C11orf65: variants seen among roughly 807,000 people sequenced by gnomAD.
The protein encoded by C11orf65 is chromosome 11 open reading frame 65, also known as protein MFI.
A neutral mutation model predicts 35.3 loss-of-function variants in C11orf65; 38 were observed. That is an observed-to-expected ratio of 1.08 (90% CI 0.83 to 1.41). The LOEUF (loss-of-function observed/expected upper bound fraction) is 1.41, where lower values mean the gene tolerates loss of function less well. Among genes scored for constraint, C11orf65 ranks in the 40% most tolerant of loss-of-function variants. The pLI, the probability that C11orf65 is intolerant of heterozygous loss-of-function variation, is 0.00. For synonymous variants in C11orf65, 105 were observed against 114.4 expected, an observed-to-expected ratio of 0.92 and a Z score of 0.53; for missense variants, 370 against 367.1, an observed-to-expected ratio of 1.01 and a Z score of -0.06.
Position 108,382,870 on chromosome 11 carries a change from T to C in C11orf65, c.*151A>G. 1 of 1,495,730 alleles carries C rather than the reference T, an allele frequency of 6.7e-7. No homozygotes were observed. Among genetic ancestry groups the C allele is most frequent in the Non-Finnish European group, 8.8e-7 (1 of 1,133,144 alleles). 92.7% of individuals were successfully genotyped at this position (1,495,730 alleles called of 1,614,324 possible). ...GATCATTGTATTCAGTCCAGTGTTCTATTTCTGCTCAATCTTCCTTACTTA... is the reference window on the plus strand; with the variant it reads ...GATCATTGTATTCAGTCCAGTGTTCCATTTCTGCTCAATCTTCCTTACTTA... On this transcript the variant is annotated 3_prime_UTR_variant, in exon 9 of 9. Transcript: ENST00000393084.
rs371858806 is a variant in C11orf65, at chr11:108,410,191, G to A, written c.175-3042C>T. Among the ~76,000 whole-genome samples the A allele has an allele frequency of 8.3e-4, 127 of 152,176 alleles. 2 individuals carry two copies. Among genetic ancestry groups the A allele is most frequent in the Admixed American group, 4.8e-3 (73 of 15,274 alleles). ...GCAATATATGAGTTCTGGTTGCTCC[G>A]TCTCTTTATCAACATTTGGTACTGT... On this transcript the variant is annotated intron_variant, in intron 3 of 8. Coordinates refer to ENST00000393084, the MANE Select transcript of C11orf65 (RefSeq NM_152587.5).
intron 1 of C11orf65, among the ~76,000 whole-genome samples, chr11:108,465,213 G>A (rs12226046): frequency 2.0e-5 from 3 of 151,928 alleles, no homozygotes; most frequent in Non-Finnish European, 4.4e-5. Flanking sequence ...CCAGTTTATT[G>A]AATACTTTGA....
At chr11:108,365,784 T>G (rs897821155) in intron 2 of C11orf65, 33 of 433,114 alleles carry the variant, frequency 7.6e-5, no homozygotes, top group Non-Finnish European at 1.2e-4. Context: ...GAGGCCGAGG[T>G]GAGCGGATCA....
chr11:108,346,717 A>G (rs895237558), intron 2 of C11orf65: 1 of 156,696 alleles, frequency 6.4e-6, no homozygotes, highest in African/African-American at 2.4e-5. Context: ...TTCCCTACCC[A>G]GTGTGTTTTT....
intron 2 of C11orf65, among the ~76,000 whole-genome samples, chr11:108,350,133 G>A (rs933444335): frequency 2.6e-5 from 4 of 152,136 alleles, no homozygotes; most frequent in South Asian, 2.1e-4. Flanking sequence ...AATAAGACAT[G>A]CCAAGCAGTT....
intron 2 of C11orf65, among the ~76,000 whole-genome samples, chr11:108,349,088 A>C (rs902753640): frequency 2.6e-5 from 4 of 152,212 alleles, no homozygotes; most frequent in Admixed American, 2.6e-4. Context: ...AGATGAAATC[A>C]TAAGGGAAGT....
At chr11:108,396,600 G>A (rs2092312711) in intron 6 of C11orf65, among the ~76,000 whole-genome samples, 1 of 151,686 alleles carries the variant, frequency 6.6e-6, no homozygotes, top group Non-Finnish European at 1.5e-5. Flanking sequence ...GGGAGGCCAA[G>A]GCGGGCGGAT....
At chr11:108,357,703 A>C (rs971677759) in intron 2 of C11orf65, among the ~76,000 whole-genome samples, 39 of 152,280 alleles carry the variant, frequency 2.6e-4, no homozygotes, top group South Asian at 1.7e-3. Context: ...CTCACACGGC[A>C]GGGTACTCCA....
At chr11:108,316,286 CA>C (rs1185696991) in intron 6 of C11orf65, among the ~76,000 whole-genome samples, 3 of 150,690 alleles carry the variant, frequency 2.0e-5, no homozygotes, top group East Asian at 3.9e-4. Context: ...CAGAGGGATG[CA>C]AAAAAAAGAG....
chr11:108,393,155 A>G, intron 7 of C11orf65, 53 bp downstream of exon 7: 1 of 1,519,678 alleles, frequency 6.6e-7, no homozygotes, highest in Non-Finnish European at 8.9e-7. Context: ...GAAATGTTAG[A>G]AAAAAACTAT....
chr11:108,455,458 A>G (rs2093400101), intron 2 of C11orf65, among the ~76,000 whole-genome samples: 1 of 152,208 alleles, frequency 6.6e-6, no homozygotes, highest in Non-Finnish European at 1.5e-5. Context: ...AAAGTTCACA[A>G]AGGAAAAGTA....
intron 2 of C11orf65, among the ~76,000 whole-genome samples, chr11:108,454,193 A>G (rs1376901701): frequency 6.6e-6 from 1 of 151,146 alleles, no homozygotes; most frequent in Admixed American, 6.6e-5. Context: ...AAGTTATCCT[A>G]TTTATTGGCT....
chr11:108,325,266 T>TAA, intron 6 of C11orf65: 4 of 1,105,260 alleles, frequency 3.6e-6, no homozygotes, highest in Non-Finnish European at 3.9e-6. Flanking sequence ...TTTTTTTTTT[T>TAA]TTCATTTCTC....
At chr11:108,336,182 A>G (rs1400517565) in intron 2 of C11orf65, 1 of 456,858 alleles carries the variant, frequency 2.2e-6, no homozygotes, top group East Asian at 4.3e-5. Flanking sequence ...ATGTGCTTGT[A>G]GTCCCTTAGC....
chr11:108,423,370 G>A (rs949837089), intron 3 of C11orf65, among the ~76,000 whole-genome samples: 2 of 152,148 alleles, frequency 1.3e-5, no homozygotes, highest in Non-Finnish European at 2.9e-5. Flanking sequence ...GTCTGAAATC[G>A]ACCTGGGACA....
At chr11:108,421,621 GC>G (rs1332748359) in intron 3 of C11orf65, among the ~76,000 whole-genome samples, 1 of 152,138 alleles carries the variant, frequency 6.6e-6, no homozygotes, top group Non-Finnish European at 1.5e-5. Context: ...TCGTGCCACT[GC>G]ACTCCAGTCT....
At chr11:108,465,684 T>G (rs571058592) in intron 1 of C11orf65, among the ~76,000 whole-genome samples, 1 of 147,806 alleles carries the variant, frequency 6.8e-6, no homozygotes, top group South Asian at 2.1e-4. Context: ...GGATTAAAGG[T>G]TTTTTTTTAA....
At chr11:108,433,150 T>C (rs999971087) in intron 2 of C11orf65, among the ~76,000 whole-genome samples, 5 of 151,994 alleles carry the variant, frequency 3.3e-5, no homozygotes, top group African/African-American at 9.7e-5. Context: ...CTTCATAGTA[T>C]GGAGGTTTTA....
intron 6 of C11orf65, among the ~76,000 whole-genome samples, chr11:108,323,762 GGAA>G (rs2085401675): frequency 3.3e-5 from 5 of 152,246 alleles, no homozygotes; most frequent in Admixed American, 2.6e-4. Context: ...TAGAGAAATA[GGAA>G]GAAGAGAAGC....
Sources: gnomAD v4.1 joint callset for allele counts (sites outside exome capture counted in the v4.1 genomes callset) on GRCh38, gnomAD v4.1.1 for gene constraint, MANE v1.5 for transcripts, NCBI Gene and HGNC (gene_info 2026-07-23, HGNC 2026-07-21) for gene names.